The following MFHAS1 variants were observed in gnomAD, a reference collection of about 807,000 sequenced individuals.
MFHAS1 encodes the protein malignant fibrous histiocytoma-amplified sequence 1.
MFHAS1 carries 50 observed loss-of-function variants against 70.4 expected under a neutral mutation model. That is an observed-to-expected ratio of 0.71 (90% CI 0.57 to 0.90). The LOEUF is 0.90. Ranked by LOEUF, MFHAS1 falls within the 40% of genes least tolerant of loss-of-function variation. MFHAS1 has a pLI of 0.00. For synonymous variants in MFHAS1, 952 were observed against 620.0 expected (o/e 1.54, Z -7.96); for missense variants, 1,795 against 1,347.6 (o/e 1.33, Z -5.20).
chr8:8,816,175 G>C (rs879348779), intron 1 of MFHAS1, among the ~76,000 whole-genome samples: 1 of 152,198 alleles, frequency 6.6e-6, no homozygotes, highest in Admixed American at 6.5e-5. Flanking sequence ...GGAAGGAATG[G>C]AAGTGAGCAA....
intron 1 of MFHAS1, among the ~76,000 whole-genome samples, chr8:8,860,216 T>C (rs1384937673): frequency 6.6e-6 from 1 of 152,120 alleles, no homozygotes; most frequent in African/African-American, 2.4e-5. Flanking sequence ...TGGAAACCCA[T>C]CCCACTCACA....
intron 1 of MFHAS1, among the ~76,000 whole-genome samples, chr8:8,852,821 G>C (rs778263015): frequency 6.6e-6 from 1 of 152,144 alleles, no homozygotes; most frequent in Non-Finnish European, 1.5e-5. Flanking sequence ...CCGGTAAACA[G>C]TTTCTTATAT....
chr8:8,892,868 T>A lies in MFHAS1; in HGVS notation c.191A>T (p.Asp64Val), dbSNP rs1328642947. Residue 64 changes from aspartate to valine, a missense_variant, in exon 1 of 3, where the codon GAC (aspartate) becomes GTC (valine). Asp to Val is a radical substitution (Grantham distance 152). Transcript: ENST00000276282. The surrounding 1 kb of genome is among the most constrained non-coding windows in gnomAD (Gnocchi z 4.7). ...GTTCCCCAGGTTCAGTGCCTCAATGTCCCCGAGGTTGGCCGGCAGCACGAG... is the reference window on the plus strand; with the variant it reads ...GTTCCCCAGGTTCAGTGCCTCAATGACCCCGAGGTTGGCCGGCAGCACGAG... ...PQLVLPANLG[D>V]IEALNLGNNG... is the part of the protein sequence containing the mutation. The A allele has an allele frequency of 6.3e-7, 1 of 1,588,790 alleles. No individual in the cohort carries two copies. Among genetic ancestry groups the A allele is most frequent in the Non-Finnish European group, 8.6e-7 (1 of 1,169,468 alleles).
At chr8:8,865,309 T>G (rs1385702942) in intron 1 of MFHAS1, among the ~76,000 whole-genome samples, 1 of 148,918 alleles carries the variant, frequency 6.7e-6, no homozygotes, top group Non-Finnish European at 1.5e-5. Context: ...AAGAAATGTT[T>G]CACTGTCAAG....
intron 1 of MFHAS1, among the ~76,000 whole-genome samples, chr8:8,820,923 A>AAT (rs1806929244): frequency 6.6e-6 from 1 of 152,214 alleles, no homozygotes; most frequent in Non-Finnish European, 1.5e-5. Context: ...ATGAAGAAAA[A>AAT]ATAGCAGCAG....
chr8:8,855,252 C>T lies in MFHAS1; in HGVS notation c.2998+34809G>A, dbSNP rs147685315. On this transcript the variant is annotated intron_variant, in intron 1 of 2. Coordinates refer to ENST00000276282, the MANE Select transcript of MFHAS1 (RefSeq NM_004225.3). ...ACAGGCGTGAGCCACCACACTCAGC[C>T]GACATCCTGTATTTTATCTGGCAAT... Among the ~76,000 whole-genome samples the T allele has an allele frequency of 7.2e-5, 11 of 152,296 alleles. No homozygotes were observed. In the East Asian group the frequency reaches 1.9e-3, roughly 27 times the overall value.
At position 8,854,388 on chromosome 8, in the gene MFHAS1, G is replaced by A. The variant is rs1016090972; in HGVS notation, c.2998+35673C>T. 2.0e-5 allele frequency among the ~76,000 whole-genome samples: 3 copies of A among 152,336 alleles called. No homozygotes were observed. The East Asian group carries it at 5.8e-4, about 29-fold the overall frequency. On this transcript the variant is annotated intron_variant, in intron 1 of 2. Transcript: ENST00000276282. ...TACAAAAAATCAGCCAGGCTTGGTG[G>A]TGGGCGCCTACAGTCCCAGCTACTC...
At chr8:8,884,074 ACACAC>A (rs1809652504) in intron 1 of MFHAS1, among the ~76,000 whole-genome samples, 1 of 148,480 alleles carries the variant, frequency 6.7e-6, no homozygotes, top group African/African-American at 2.6e-5. Flanking sequence ...ACACACACAC[ACACAC>A]ACAAAAAGAA....
intron 1 of MFHAS1, among the ~76,000 whole-genome samples, chr8:8,852,470 A>AACACACAC (rs752733842): frequency 7.8e-6 from 1 of 127,706 alleles, no homozygotes; most frequent in Non-Finnish European, 1.7e-5. Context: ...CCCTCTCTCA[A>AACACACAC]ACACACACAC....
chr8:8,798,642 A>G (rs1484921384), intron 1 of MFHAS1, among the ~76,000 whole-genome samples: 1 of 152,134 alleles, frequency 6.6e-6, no homozygotes, highest in African/African-American at 2.4e-5. Flanking sequence ...TGGCTTCTAG[A>G]AAGTCAATTA....
intron 1 of MFHAS1, among the ~76,000 whole-genome samples, chr8:8,824,521 TCACACACACACACACACACACA>T (rs57194505): frequency 9.6e-5 from 14 of 146,022 alleles, no homozygotes; most frequent in African/African-American, 3.1e-4. Flanking sequence ...TCTCTCTCTT[TCACACACACACACACACACACA>T]CACACACACA....
Position 8,805,522 on chromosome 8 carries a change from T to C in MFHAS1, c.2999-8031A>G, listed in dbSNP as rs62495538. On this transcript the variant is annotated intron_variant, in intron 1 of 2. Transcript: ENST00000276282. Reference sequence around the variant, plus strand: ...GGTCTTCCTCATCATTGTCTGTTCATTGAGGAGGCTGGGGAGGAGGGGGAA... The same window carrying C: ...GGTCTTCCTCATCATTGTCTGTTCACTGAGGAGGCTGGGGAGGAGGGGGAA... Among the ~76,000 whole-genome samples the C allele has an allele frequency of 9.6e-3, 1,455 of 152,250 alleles. 22 individuals are homozygous for C. Among genetic ancestry groups the C allele is most frequent in the Non-Finnish European group, 0.015 (1,016 of 68,020 alleles).
At chr8:8,861,212 C>T (rs866554559) in intron 1 of MFHAS1, among the ~76,000 whole-genome samples, 6 of 152,202 alleles carry the variant, frequency 3.9e-5, no homozygotes, top group African/African-American at 1.2e-4. Context: ...AACACTCAGG[C>T]CTTGTGTCTT....
In MFHAS1 at chr8:8,839,511, C is replaced by T. The variant is rs180898039; in HGVS notation, c.2999-42020G>A. Among the ~76,000 whole-genome samples the T allele has an allele frequency of 4.1e-3, 620 of 152,264 alleles. 3 individuals carry two copies. The highest frequency in any genetic ancestry group is 8.7e-3 in the African/African-American group (361 of 41,574). On this transcript the variant is annotated intron_variant, in intron 1 of 2. Coordinates refer to ENST00000276282, the MANE Select transcript of MFHAS1 (RefSeq NM_004225.3). The stretch of plus-strand genomic sequence containing the variant: ...ATCCTAGTTCTGGTCCCAAATCTAC[C>T]AATTATGAAATTAGTGACTGTGGGT...
intron 1 of MFHAS1, among the ~76,000 whole-genome samples, chr8:8,826,368 T>C (rs1461096557): frequency 6.6e-6 from 1 of 151,938 alleles, no homozygotes; most frequent in Non-Finnish European, 1.5e-5. Context: ...ACGTGCCTAA[T>C]CAAAATTTTT....
At position 8,785,975 on chromosome 8, in the gene MFHAS1, T is replaced by C. The variant is rs751579338; in HGVS notation, c.*47A>G. 175 of 1,601,180 alleles carry C rather than the reference T, an allele frequency of 1.1e-4. No homozygotes were observed. Among genetic ancestry groups the C allele is most frequent in the Non-Finnish European group, 1.4e-4 (165 of 1,168,944 alleles). On this transcript the variant is annotated 3_prime_UTR_variant, in exon 3 of 3. Coordinates refer to ENST00000276282, the MANE Select transcript of MFHAS1 (RefSeq NM_004225.3). ...TGCCAGGTGCAAAAGATGGTCCAGG[T>C]GTTCAGATGCTCTCTTTTCTCCATG...
At chr8:8,841,563 T>A (rs1807826582) in intron 1 of MFHAS1, among the ~76,000 whole-genome samples, 3 of 152,178 alleles carry the variant, frequency 2.0e-5, no homozygotes, top group Non-Finnish European at 4.4e-5. Flanking sequence ...ATGCTGAATG[T>A]AAGAGGCCTT....
chr8:8,810,325 C>T (rs1806499058), intron 1 of MFHAS1, among the ~76,000 whole-genome samples: 1 of 152,166 alleles, frequency 6.6e-6, no homozygotes, highest in African/African-American at 2.4e-5. Context: ...TAGATCATGC[C>T]ACTGTACTCC....
intron 1 of MFHAS1, among the ~76,000 whole-genome samples, chr8:8,860,552 T>TC (rs1808623293): frequency 6.6e-6 from 1 of 152,152 alleles, no homozygotes; most frequent in African/African-American, 2.4e-5. Context: ...CTTCAGGAAT[T>TC]CCCCGGGGCT....
Sources: allele counts gnomAD v4.1 joint callset (sites outside exome capture counted in the v4.1 genomes callset), GRCh38; gene constraint gnomAD v4.1.1; non-coding constraint Gnocchi (gnomAD v3.1); transcripts MANE v1.5; gene names NCBI Gene and HGNC (gene_info 2026-07-23, HGNC 2026-07-21).